NINL: variants seen among roughly 807,000 people sequenced by gnomAD.
NINL encodes the protein ninein like, also known as ninein-like protein.
NINL carries 153 observed loss-of-function variants against 160.3 expected under a neutral mutation model. That is an observed-to-expected ratio of 0.95 (90% CI 0.84 to 1.09). The LOEUF (loss-of-function observed/expected upper bound fraction) is 1.09, where lower values mean the gene tolerates loss of function less well. NINL is among the 50% of genes least tolerant of loss of function. The pLI is 0.00. For synonymous variants in NINL, 800 were observed against 734.8 expected, an observed-to-expected ratio of 1.09 and a Z score of -1.43; for missense variants, 1,829 against 1,764.0, an observed-to-expected ratio of 1.04 and a Z score of -0.66.
chr20:25,499,234 C>T, intron 8 of NINL: 1 of 985,322 alleles, frequency 1.0e-6, no homozygotes, highest in Non-Finnish European at 1.2e-6. Flanking sequence ...TGTCCCTACA[C>T]AAGCACACGC....
intron 1 of NINL, among the ~76,000 whole-genome samples, chr20:25,582,464 C>G (rs1014348221): frequency 6.6e-6 from 1 of 152,034 alleles, no homozygotes; most frequent in African/African-American, 2.4e-5. Flanking sequence ...GCAAGACTCC[C>G]GGCTCTACAT....
chr20:25,524,571 G>T (rs905921881), intron 2 of NINL, among the ~76,000 whole-genome samples: 1 of 152,176 alleles, frequency 6.6e-6, no homozygotes, highest in Admixed American at 6.5e-5. Context: ...CCTCCTGAAA[G>T]GAAATTCCAT....
At chr20:25,482,163 C>T (rs570170521) in intron 13 of NINL, 63 bp from the exon 14 acceptor site, 39 of 1,550,854 alleles carry the variant, frequency 2.5e-5, no homozygotes, top group East Asian at 9.1e-5. Flanking sequence ...GCGAGCTGGC[C>T]GAGCTGGCCT....
chr20:25,549,049 C>T (rs2147087640), intron 1 of NINL, among the ~76,000 whole-genome samples: 2 of 136,034 alleles, frequency 1.5e-5, no homozygotes, highest in Non-Finnish European at 1.6e-5. Flanking sequence ...CCCAGCCTCA[C>T]CCAGGCCTGA....
At chr20:25,585,134 G>C (rs972668073) in intron 1 of NINL, among the ~76,000 whole-genome samples, 37 of 152,164 alleles carry the variant, frequency 2.4e-4, no homozygotes, top group African/African-American at 2.4e-5. Context: ...CTCAGGCCGA[G>C]CCTTGGGGCT....
At chr20:25,483,051 G>C (rs1049696642) in intron 13 of NINL, among the ~76,000 whole-genome samples, 4 of 150,026 alleles carry the variant, frequency 2.7e-5, no homozygotes, top group African/African-American at 1.0e-4. Context: ...ATAAAGAAAA[G>C]AGGCCAGGTG....
intron 17 of NINL, among the ~76,000 whole-genome samples, chr20:25,474,778 C>A (rs1000616821): frequency 3.3e-5 from 5 of 150,960 alleles, no homozygotes; most frequent in Admixed American, 6.6e-5. Flanking sequence ...CCATGCCCGG[C>A]TAATTTTTGT....
intron 5 of NINL, chr20:25,509,695 T>C (rs1242020363): frequency 4.4e-6 from 2 of 456,762 alleles, no homozygotes; most frequent in Middle Eastern, 6.5e-4. Context: ...CTTTCTTCAC[T>C]CTTGCAGGCA....
rs2064331776 is a variant in NINL, at chr20:25,524,961, G to A, written c.180+1447C>T. On this transcript the variant is annotated intron_variant, in intron 2 of 23. Coordinates refer to ENST00000278886, the MANE Select transcript of NINL (RefSeq NM_025176.6). ...TATATATATATAAATAAATAAACGG[G>A]ACCATCTGTCTGTATTGCTTAAATA... 2.0e-5 allele frequency among the ~76,000 whole-genome samples: 3 copies of A among 150,190 alleles called. No individual in the cohort carries two copies. In the South Asian group the frequency reaches 6.3e-4, roughly 31 times the overall value.
At chr20:25,480,454 TC>T (rs1314982355) in intron 14 of NINL, among the ~76,000 whole-genome samples, 187 bp from the exon 15 acceptor site, 1 of 152,114 alleles carries the variant, frequency 6.6e-6, no homozygotes, top group Non-Finnish European at 1.5e-5. Flanking sequence ...ATCAGAACAC[TC>T]AGAGATGAGA....
intron 17 of NINL, among the ~76,000 whole-genome samples, chr20:25,471,212 C>T (rs1048390893): frequency 1.3e-5 from 2 of 152,008 alleles, no homozygotes; most frequent in African/African-American, 2.4e-5. Flanking sequence ...AGGCTGGTCT[C>T]GAATTCCTGG....
At chr20:25,564,959 T>TA (rs1240629485) in intron 1 of NINL, among the ~76,000 whole-genome samples, 1 of 152,020 alleles carries the variant, frequency 6.6e-6, no homozygotes, top group Admixed American at 6.6e-5. Flanking sequence ...CAATAACTGG[T>TA]AAAAACACAT....
At position 25,481,978 on chromosome 20, in the gene NINL, G is replaced by A. The variant is rs199654984; in HGVS notation, c.1800C>T (p.Leu600=). The A allele has an allele frequency of 1.5e-5, 24 of 1,597,202 alleles. No homozygotes were observed. Among genetic ancestry groups the A allele is most frequent in the South Asian group, 1.4e-4 (13 of 90,942 alleles). ...GGGACGGGCTCCTACCTGCTGGGCC[G>A]AGTCCAGGGAGCTGCCGTCTGCGCC... ...PDGRRRQLPG[L]GPAGISFLGN... is the part of the protein sequence containing the mutation. Residue 600 remains leucine, a synonymous_variant, in exon 14 of 24, where the codon CTC becomes CTT. Transcript: ENST00000278886.
intron 1 of NINL, among the ~76,000 whole-genome samples, chr20:25,573,737 C>T (rs2065081665): frequency 6.6e-6 from 1 of 152,230 alleles, no homozygotes; most frequent in Non-Finnish European, 1.5e-5. Flanking sequence ...TAAAATGTTA[C>T]AATCCTGGGC....
rs746614158 is a variant in NINL, at chr20:25,498,259, C to T, written c.1120G>A (p.Val374Ile). The T allele has an allele frequency of 2.0e-5, 32 of 1,613,086 alleles. No homozygotes were observed. The highest frequency in any genetic ancestry group is 8.0e-5 in the African/African-American group (6 of 74,904). The change falls in exon 9 of 24, where the codon GTC (valine) becomes ATC (isoleucine). Residue 374 changes from valine (V) to isoleucine (I), a missense_variant. By Grantham distance (29) the Val-to-Ile change is conservative. Coordinates refer to ENST00000278886, the MANE Select transcript of NINL (RefSeq NM_025176.6). ...DNELMTVDSA[V>I]QQAALACYHQ... ...TAGCAGGCCAGGGCTGCCTGCTGGA[C>T]GGCACTGTCCACTGTCATGAGCTCG...
At chr20:25,540,688 G>A (rs1254577309) in intron 1 of NINL, among the ~76,000 whole-genome samples, 1 of 152,170 alleles carries the variant, frequency 6.6e-6, no homozygotes, top group Non-Finnish European at 1.5e-5. Flanking sequence ...AATCTGGAAA[G>A]ATGTTATAAC....
Position 25,476,753 on chromosome 20 carries a change from G to A in NINL, c.2538C>T (p.Leu846=), listed in dbSNP as rs2063259191. Residue 846 remains leucine, a synonymous_variant, in exon 17 of 24, where the codon CTC becomes CTT. Transcript: ENST00000278886. ...CCCCACAGCCCGGACGCAGTGGTAG[G>A]AGGCCACGTGTGCCCTCCTGGCCAC... ...AGSGQEGTRG[L]LPLRPGCGER... 2 of 1,609,376 alleles carry A rather than the reference G, an allele frequency of 1.2e-6. No individual in the cohort carries two copies. The highest frequency in any genetic ancestry group is 2.2e-5 in the East Asian group (1 of 44,852).
intron 10 of NINL, among the ~76,000 whole-genome samples, chr20:25,494,524 T>C (rs1313867684): frequency 6.6e-6 from 1 of 152,108 alleles, no homozygotes; most frequent in African/African-American, 2.4e-5. Flanking sequence ...CCCCACACCA[T>C]GTAGAGGCAC....
intron 3 of NINL, among the ~76,000 whole-genome samples, chr20:25,514,093 A>T (rs1947986754): frequency 6.6e-6 from 1 of 152,360 alleles, no homozygotes; most frequent in South Asian, 2.1e-4. Flanking sequence ...GACGTGGGAA[A>T]GTTTGTAACC....
Sources: allele counts gnomAD v4.1 joint callset (sites outside exome capture counted in the v4.1 genomes callset), GRCh38; gene constraint gnomAD v4.1.1; transcripts MANE v1.5; gene names NCBI Gene and HGNC (gene_info 2026-07-23, HGNC 2026-07-21).